MEIS2: variants seen among roughly 807,000 people sequenced by gnomAD.
The protein encoded by MEIS2 is Meis homeobox 2.
A neutral mutation model predicts 58.6 loss-of-function variants in MEIS2; 9 were observed. The ratio of observed to expected loss-of-function variants is 0.15; its 90% CI spans 0.09 to 0.27. The LOEUF (loss-of-function observed/expected upper bound fraction) is 0.27, where lower values mean the gene tolerates loss of function less well. MEIS2 is among the 10% of genes least tolerant of loss of function. MEIS2 has a pLI of 1.00. For missense variants in MEIS2, 427 were observed against 635.0 expected, an observed-to-expected ratio of 0.67 and a Z score of 3.52; for synonymous variants, 221 against 228.4, an observed-to-expected ratio of 0.97 and a Z score of 0.29.
At chr15:36,988,063 T>C (rs781232667) in intron 8 of MEIS2, among the ~76,000 whole-genome samples, 23 of 152,198 alleles carry the variant, frequency 1.5e-4, no homozygotes, top group South Asian at 4.1e-4. Context: ...ATGAGGACTA[T>C]AGTTAATCAT....
chr15:36,970,131 C>T (rs544313705), intron 8 of MEIS2, among the ~76,000 whole-genome samples: 5 of 152,146 alleles, frequency 3.3e-5, no homozygotes, highest in East Asian at 3.9e-4. Context: ...TGGTCAGGCG[C>T]GGTGGCTCAC....
intron 8 of MEIS2, among the ~76,000 whole-genome samples, chr15:36,971,983 T>C (rs894383619): frequency 4.6e-5 from 7 of 152,188 alleles, no homozygotes; most frequent in African/African-American, 1.7e-4. Context: ...GAGCAACACG[T>C]AACTAAATTT....
At chr15:36,909,686 C>T (rs534549425) in intron 9 of MEIS2, among the ~76,000 whole-genome samples, 47 of 152,206 alleles carry the variant, frequency 3.1e-4, no homozygotes, top group African/African-American at 9.6e-4. Flanking sequence ...CCAGGTAAAT[C>T]GTGGGTGCAG....
At chr15:36,917,391 G>C (rs1002168804) in intron 9 of MEIS2, among the ~76,000 whole-genome samples, 4 of 152,152 alleles carry the variant, frequency 2.6e-5, no homozygotes, top group African/African-American at 9.7e-5. Context: ...TCAAAATTAA[G>C]AGAAATTAGT....
chr15:36,990,823 A>G (rs2060247493), intron 8 of MEIS2, among the ~76,000 whole-genome samples: 1 of 152,170 alleles, frequency 6.6e-6, no homozygotes, highest in Admixed American at 6.5e-5. Context: ...AGGAAAAAAA[A>G]AAGACTGATA....
At chr15:36,980,129 T>C (rs8038772) in intron 8 of MEIS2, among the ~76,000 whole-genome samples, 2,241 of 152,192 alleles carry the variant, frequency 0.015, 57 homozygotes, top group African/African-American at 0.05. Context: ...AAGAGTTCTT[T>C]ACATATCAAA....
intron 8 of MEIS2, among the ~76,000 whole-genome samples, chr15:36,960,223 G>T (rs193283112): frequency 3.3e-5 from 5 of 151,952 alleles, no homozygotes; most frequent in Admixed American, 3.3e-4. Context: ...AGAGGAAGAG[G>T]TTGTTTAAAG....
chr15:36,971,553 A>AAAAAAAG (rs2059569243), intron 8 of MEIS2, among the ~76,000 whole-genome samples: 3 of 132,062 alleles, frequency 2.3e-5, no homozygotes, highest in African/African-American at 1.0e-4. Context: ...AAAAAAAAAA[A>AAAAAAAG]AAAAAAAAAA....
At chr15:37,095,733 T>C (rs1221536712) in intron 3 of MEIS2, 119 bp from the exon 4 acceptor site, 5 of 1,418,840 alleles carry the variant, frequency 3.5e-6, no homozygotes, top group African/African-American at 1.4e-5. Context: ...TTTGGCAAAA[T>C]ACAAGAAAGA....
chr15:37,040,609 G>A (rs545526551), intron 7 of MEIS2, among the ~76,000 whole-genome samples: 16 of 152,302 alleles, frequency 1.1e-4, no homozygotes, highest in Non-Finnish European at 2.1e-4. Context: ...GATGATGAAA[G>A]GCTATATAAA....
At chr15:36,918,402 C>G (rs2057366754) in intron 9 of MEIS2, among the ~76,000 whole-genome samples, 1 of 129,300 alleles carries the variant, frequency 7.7e-6, no homozygotes, top group African/African-American at 2.5e-5. Context: ...AAGACTTAAC[C>G]TGAAGATGCA....
At chr15:36,942,342 A>G (rs1299102211) in intron 9 of MEIS2, among the ~76,000 whole-genome samples, 1 of 152,212 alleles carries the variant, frequency 6.6e-6, no homozygotes, top group African/African-American at 2.4e-5. Context: ...TTTTCTACCC[A>G]GGTTTCTAAT....
At chr15:36,999,443 G>C (rs144123556) in intron 8 of MEIS2, among the ~76,000 whole-genome samples, 2 of 152,318 alleles carry the variant, frequency 1.3e-5, no homozygotes, top group African/African-American at 4.8e-5. Context: ...CTGCCTAGGG[G>C]ATGAAAATTA....
chr15:36,930,468 G>A (rs1044817378), intron 9 of MEIS2, among the ~76,000 whole-genome samples: 3 of 152,102 alleles, frequency 2.0e-5, no homozygotes, highest in Admixed American at 6.5e-5. Flanking sequence ...TGTAAGTTAC[G>A]CTGACAAGGT....
rs1273331684 is a variant in MEIS2, at chr15:36,979,898, T to C, written c.901-29498A>G. ...AAATATATATAATAACACATATATA[T>C]ATTACTCTAAAGGATTATATAAAAA... On this transcript the variant is annotated intron_variant, in intron 8 of 11. Transcript: ENST00000561208. 4.0e-5 allele frequency among the ~76,000 whole-genome samples: 6 copies of C among 148,498 alleles called. No homozygotes were observed. The East Asian group carries it at 1.2e-3, about 29-fold the overall frequency.
intron 9 of MEIS2, 54 bp downstream of exon 9, chr15:36,950,270 T>A: frequency 7.0e-7 from 1 of 1,427,626 alleles, no homozygotes; most frequent in Non-Finnish European, 9.7e-7. Flanking sequence ...AAACCATTAT[T>A]TAGAAATCTC....
intron 8 of MEIS2, among the ~76,000 whole-genome samples, chr15:37,004,940 C>T (rs2060862600): frequency 6.6e-6 from 1 of 152,006 alleles, no homozygotes. Context: ...TACCAAAATA[C>T]CACATGTACT....
rs183072129 is a variant in MEIS2 at position 37,053,868 on chromosome 15, T to A, written c.755-16909A>T. Among the ~76,000 whole-genome samples the A allele has an allele frequency of 5.3e-5, 8 of 152,332 alleles. No homozygotes were observed. The East Asian group carries it at 1.5e-3, about 29-fold the overall frequency. On this transcript the variant is annotated intron_variant, in intron 7 of 11. Transcript: ENST00000561208. ...ATTGTGAGACTTATGTTCTAAACTT[T>A]GAAACATGTGATCTTGGATAAAAAT... is the stretch of plus-strand genomic sequence containing the variant.
At chr15:37,037,686 C>A (rs993884087) in intron 7 of MEIS2, among the ~76,000 whole-genome samples, 1 of 151,948 alleles carries the variant, frequency 6.6e-6, no homozygotes, top group Non-Finnish European at 1.5e-5. Context: ...TTTTTCTTGC[C>A]CTCTGGCAAA....
Sources: allele counts gnomAD v4.1 joint callset (sites outside exome capture counted in the v4.1 genomes callset), GRCh38; gene constraint gnomAD v4.1.1; transcripts MANE v1.5; gene names NCBI Gene and HGNC (gene_info 2026-07-23, HGNC 2026-07-21).